IQCM: variants seen among roughly 807,000 people sequenced by gnomAD.
IQCM encodes the protein IQ motif containing M, also known as IQ domain-containing protein M.
IQCM carries 45 observed loss-of-function variants against 57.6 expected under a neutral mutation model. The ratio of observed to expected loss-of-function variants is 0.78; its 90% CI spans 0.62 to 1.00. The LOEUF is 1.00. Among genes scored for constraint, IQCM ranks in the 50% least tolerant of loss-of-function variants. The pLI is 0.00. For synonymous variants in IQCM, 148 were observed against 158.9 expected, an observed-to-expected ratio of 0.93 and a Z score of 0.51; for missense variants, 468 against 511.6, an observed-to-expected ratio of 0.91 and a Z score of 0.82.
At chr4:149,707,338 T>C (rs1764232855) in intron 5 of IQCM, among the ~76,000 whole-genome samples, 1 of 152,082 alleles carries the variant, frequency 6.6e-6, no homozygotes, top group Admixed American at 6.6e-5. Context: ...ACTGCAAATA[T>C]ATGTGTATAG....
chr4:149,450,102 C>T (rs1193407866), intron 12 of IQCM, among the ~76,000 whole-genome samples: 1 of 151,658 alleles, frequency 6.6e-6, no homozygotes, highest in Non-Finnish European at 1.5e-5. Context: ...AGAACATATA[C>T]TGGGGAAAAG....
intron 5 of IQCM, among the ~76,000 whole-genome samples, chr4:149,717,628 A>C (rs1168438252): frequency 6.6e-6 from 1 of 152,222 alleles, no homozygotes; most frequent in Non-Finnish European, 1.5e-5. Context: ...TGATTTACTA[A>C]TTAGCATTTA....
At chr4:149,382,281 A>T (rs1247113582) in intron 13 of IQCM, among the ~76,000 whole-genome samples, 1 of 152,110 alleles carries the variant, frequency 6.6e-6, no homozygotes, top group Non-Finnish European at 1.5e-5. Context: ...GTGGGGGTGC[A>T]GTTGGGGAAA....
At chr4:149,373,551 C>G (rs1057282044) in intron 13 of IQCM, among the ~76,000 whole-genome samples, 1 of 152,092 alleles carries the variant, frequency 6.6e-6, no homozygotes, top group Non-Finnish European at 1.5e-5. Flanking sequence ...TTGAATCTAG[C>G]TAGTCAACAG....
intron 10 of IQCM, among the ~76,000 whole-genome samples, chr4:149,561,166 C>T (rs1750082854): frequency 6.6e-6 from 1 of 152,138 alleles, no homozygotes; most frequent in East Asian, 1.9e-4. Flanking sequence ...TTTATATTGG[C>T]TCTGATCCTT....
intron 12 of IQCM, among the ~76,000 whole-genome samples, chr4:149,502,080 C>T (rs897109159): frequency 6.8e-6 from 1 of 146,884 alleles, no homozygotes; most frequent in Non-Finnish European, 1.5e-5. Flanking sequence ...CATCAAACCA[C>T]TTATGGGTAA....
intron 7 of IQCM, among the ~76,000 whole-genome samples, chr4:149,637,012 A>G (rs112315209): frequency 0.21 from 31,785 of 150,908 alleles, 4,130 homozygotes; most frequent in Non-Finnish European, 0.28. Flanking sequence ...GCGCGGTGGC[A>G]GGCGCCTGTA....
At chr4:149,520,574 A>T (rs1745530427) in intron 12 of IQCM, among the ~76,000 whole-genome samples, 1 of 152,178 alleles carries the variant, frequency 6.6e-6, no homozygotes, top group Non-Finnish European at 1.5e-5. Context: ...GTTGCTAAGA[A>T]CAGTGAATAA....
At chr4:149,421,015 TAG>T in intron 13 of IQCM, among the ~76,000 whole-genome samples, 1 of 40,778 alleles carries the variant, frequency 2.5e-5, no homozygotes, top group African/African-American at 1.2e-4. Flanking sequence ...AAATGTTCAG[TAG>T]TGCCAATAAT....
At chr4:149,806,210 C>CA (rs1373042536) in intron 2 of IQCM, among the ~76,000 whole-genome samples, 1 of 151,628 alleles carries the variant, frequency 6.6e-6, no homozygotes, top group East Asian at 1.9e-4. Context: ...TATGTGTTTT[C>CA]TTTCTTTGCA....
At chr4:149,400,957 T>A (rs942198135) in intron 13 of IQCM, among the ~76,000 whole-genome samples, 1 of 151,872 alleles carries the variant, frequency 6.6e-6, no homozygotes, top group African/African-American at 2.4e-5. Flanking sequence ...TACTTTGCTG[T>A]AGTACTTTTC....
chr4:149,703,198 C>T (rs1266144480), intron 5 of IQCM, among the ~76,000 whole-genome samples: 1 of 151,886 alleles, frequency 6.6e-6, no homozygotes. Context: ...ACAGATAATT[C>T]ATACAACTTC....
chr4:149,774,722 C>T (rs1413465355), intron 2 of IQCM, among the ~76,000 whole-genome samples: 1 of 150,318 alleles, frequency 6.7e-6, no homozygotes, highest in East Asian at 2.0e-4. Context: ...CTTCTTCCTT[C>T]TCTCTTCTCC....
intron 3 of IQCM, among the ~76,000 whole-genome samples, chr4:149,738,044 C>T (rs758871694): frequency 1.1e-4 from 16 of 152,012 alleles, no homozygotes; most frequent in Non-Finnish European, 2.4e-4. Context: ...TTTGTGGAAA[C>T]CATCATGTCT....
intron 13 of IQCM, chr4:149,429,964 C>A (rs1734709638): frequency 8.3e-7 from 1 of 1,210,058 alleles, no homozygotes; most frequent in African/African-American, 1.6e-5. Flanking sequence ...TAACAAAGTG[C>A]AAATAGACTC....
intron 12 of IQCM, among the ~76,000 whole-genome samples, chr4:149,538,464 G>A (rs572648741): frequency 2.6e-5 from 4 of 151,948 alleles, no homozygotes; most frequent in Admixed American, 2.0e-4. Context: ...GGAAGTAAAG[G>A]AGGAACACGG....
At chr4:149,623,537 G>A (rs1756531162) in intron 7 of IQCM, among the ~76,000 whole-genome samples, 1 of 152,188 alleles carries the variant, frequency 6.6e-6, no homozygotes, top group African/African-American at 2.4e-5. Context: ...CTCCTTAGAA[G>A]CCAGGCACAG....
intron 8 of IQCM, among the ~76,000 whole-genome samples, chr4:149,608,821 T>C (rs561900048): frequency 2.6e-5 from 4 of 151,540 alleles, no homozygotes; most frequent in Non-Finnish European, 5.9e-5. Context: ...AACAGTCAAA[T>C]AACCTAATGA....
chr4:149,758,121 T>C (rs1769162992), intron 2 of IQCM, among the ~76,000 whole-genome samples: 2 of 152,076 alleles, frequency 1.3e-5, no homozygotes, highest in African/African-American at 4.8e-5. Flanking sequence ...TCTACATAAA[T>C]ATAGTCAGCT....
Sources: allele counts gnomAD v4.1 joint callset (sites outside exome capture counted in the v4.1 genomes callset), GRCh38; gene constraint gnomAD v4.1.1; transcripts MANE v1.5; gene names NCBI Gene and HGNC (gene_info 2026-07-23, HGNC 2026-07-21).